RALGAPA2: variants seen among roughly 807,000 people sequenced by gnomAD.
The protein encoded by RALGAPA2 is Ral GTPase activating protein catalytic subunit alpha 2.
RALGAPA2 carries 139 observed loss-of-function variants against 230.4 expected under a neutral mutation model. The observed-to-expected ratio is 0.60, with a 90% CI of 0.53 to 0.69. RALGAPA2 has a LOEUF of 0.69. RALGAPA2 is among the 30% of genes least tolerant of loss of function. The pLI is 0.00. For missense variants in RALGAPA2, 2,163 were observed against 2,276.0 expected (o/e 0.95, Z 1.01); for synonymous variants, 847 against 837.8 (o/e 1.01, Z -0.19).
At position 20,524,433 on chromosome 20, in the gene RALGAPA2, T is replaced by C. The variant is rs1174708575; in HGVS notation, c.3873A>G (p.Arg1291=). ...TGTAGATATAATCCAGCAAGGGGGCTCTGGCCGAATGCTGCTCCTCTAGGA... is the reference window on the plus strand; with the variant it reads ...TGTAGATATAATCCAGCAAGGGGGCCCTGGCCGAATGCTGCTCCTCTAGGA... ...TAVLEEQHSA[R]APLLDYIYRV... Residue 1291 remains arginine (R), a synonymous_variant, in exon 30 of 40, where the codon AGA becomes AGG. Coordinates refer to ENST00000202677, the MANE Select transcript of RALGAPA2 (RefSeq NM_020343.4). 6 of 1,613,866 alleles carry C rather than the reference T, an allele frequency of 3.7e-6. No individual in the cohort carries two copies. The highest frequency in any genetic ancestry group is 4.2e-6 in the Non-Finnish European group (5 of 1,179,830).
chr20:20,401,538 C>T (rs1011118046), intron 38 of RALGAPA2, among the ~76,000 whole-genome samples: 10 of 151,982 alleles, frequency 6.6e-5, no homozygotes, highest in Non-Finnish European at 1.5e-4. Context: ...CAGGAGTGAC[C>T]GGGGCAGTGA....
chr20:20,652,990 G>A (rs12625761), intron 4 of RALGAPA2, among the ~76,000 whole-genome samples: 1 of 151,596 alleles, frequency 6.6e-6, no homozygotes, highest in Non-Finnish European at 1.5e-5. Context: ...CCAGGAGTTC[G>A]AGACAGCCTG....
intron 37 of RALGAPA2, among the ~76,000 whole-genome samples, chr20:20,429,910 A>G (rs781188012): frequency 3.3e-5 from 5 of 152,250 alleles, no homozygotes; most frequent in Non-Finnish European, 7.3e-5. Context: ...AACCCTGAAG[A>G]GGGTAGAAGC....
chr20:20,462,813 G>C (rs1370666689), intron 37 of RALGAPA2, among the ~76,000 whole-genome samples: 2 of 152,152 alleles, frequency 1.3e-5, no homozygotes, highest in Admixed American at 1.3e-4. Context: ...TCCTTCTTTG[G>C]CTTTGCAGCG....
intron 37 of RALGAPA2, among the ~76,000 whole-genome samples, chr20:20,419,938 A>C (rs760027215): frequency 2.0e-5 from 3 of 152,240 alleles, no homozygotes; most frequent in Non-Finnish European, 4.4e-5. Flanking sequence ...GCAATCCTGC[A>C]TTCTAGCAGG....
chr20:20,468,349 A>G (rs2061465440), intron 37 of RALGAPA2, among the ~76,000 whole-genome samples: 1 of 152,168 alleles, frequency 6.6e-6, no homozygotes, highest in South Asian at 2.1e-4. Context: ...ATCTGGGGGT[A>G]TAACTCCATT....
At chr20:20,695,009 G>A (rs139962338) in intron 1 of RALGAPA2, among the ~76,000 whole-genome samples, 237 of 152,254 alleles carry the variant, frequency 1.6e-3, no homozygotes, top group African/African-American at 5.3e-3. Context: ...CAGGGCGTTC[G>A]AGAAAGGGAT....
At chr20:20,645,714 T>C (rs1226881204) in intron 4 of RALGAPA2, among the ~76,000 whole-genome samples, 1 of 152,232 alleles carries the variant, frequency 6.6e-6, no homozygotes, top group African/African-American at 2.4e-5. Context: ...GCTAGACTGC[T>C]AGGGTTCAAA....
At chr20:20,570,790 T>C (rs2064603620) in intron 23 of RALGAPA2, among the ~76,000 whole-genome samples, 1 of 152,174 alleles carries the variant, frequency 6.6e-6, no homozygotes, top group Admixed American at 6.5e-5. Flanking sequence ...CTTGCCTGCT[T>C]GATATCCCAA....
At chr20:20,591,707 C>T (rs1219140562) in intron 16 of RALGAPA2, among the ~76,000 whole-genome samples, 1 of 151,956 alleles carries the variant, frequency 6.6e-6, no homozygotes, top group Non-Finnish European at 1.5e-5. Context: ...CACACACACA[C>T]ATACACCCTG....
intron 4 of RALGAPA2, among the ~76,000 whole-genome samples, chr20:20,652,771 T>C (rs1412714482): frequency 6.6e-6 from 1 of 152,194 alleles, no homozygotes; most frequent in Non-Finnish European, 1.5e-5. Flanking sequence ...GATGAGATGT[T>C]AGAGGTTAAA....
intron 9 of RALGAPA2, among the ~76,000 whole-genome samples, chr20:20,633,426 C>T (rs1380144430): frequency 7.9e-5 from 12 of 152,012 alleles, no homozygotes; most frequent in African/African-American, 2.7e-4. Context: ...AGAGCCACTG[C>T]GCCCAGCCTA....
intron 36 of RALGAPA2, among the ~76,000 whole-genome samples, chr20:20,494,109 C>A (rs2062138707): frequency 6.6e-6 from 1 of 152,210 alleles, no homozygotes; most frequent in Admixed American, 6.5e-5. Context: ...AGCTTTTACT[C>A]TGGACCAGGC....
At chr20:20,693,595 A>T (rs1415711394) in intron 1 of RALGAPA2, among the ~76,000 whole-genome samples, 1 of 152,204 alleles carries the variant, frequency 6.6e-6, no homozygotes. Flanking sequence ...AGTGATGAGG[A>T]GAGTGTTTAC....
At chr20:20,632,107 C>T (rs2066694773) in intron 9 of RALGAPA2, among the ~76,000 whole-genome samples, 1 of 151,908 alleles carries the variant, frequency 6.6e-6, no homozygotes, top group Admixed American at 6.5e-5. Context: ...TCACTGCAAG[C>T]TCCGCCTCCT....
intron 3 of RALGAPA2, among the ~76,000 whole-genome samples, chr20:20,662,928 T>C (rs2067829975): frequency 6.6e-6 from 1 of 151,998 alleles, no homozygotes; most frequent in Admixed American, 6.5e-5. Flanking sequence ...CAGCAAAAAA[T>C]AAAAAGCCTT....
chr20:20,657,602 G>A (rs928206451), intron 3 of RALGAPA2, among the ~76,000 whole-genome samples: 10 of 152,146 alleles, frequency 6.6e-5, no homozygotes, highest in Admixed American at 1.3e-4. Context: ...GCTACCTCAC[G>A]TTGATGGAAA....
At chr20:20,443,799 T>A (rs1388842448) in intron 37 of RALGAPA2, among the ~76,000 whole-genome samples, 1 of 152,258 alleles carries the variant, frequency 6.6e-6, no homozygotes, top group African/African-American at 2.4e-5. Context: ...CAACAAAAGC[T>A]AAGTCCTGGA....
chr20:20,547,773 C>A lies in RALGAPA2; in HGVS notation c.3157-941G>T, dbSNP rs373966165. 8.5e-5 allele frequency among the ~76,000 whole-genome samples: 13 copies of A among 152,276 alleles called. No homozygotes were observed. The East Asian group carries it at 2.5e-3, about 29-fold the overall frequency. The stretch of plus-strand genomic sequence containing the variant: ...GTCGTGTCGCTTTATGATGAGGATA[C>A]ATTCTAAGAAATGTGCTGTTAGGCA... On this transcript the variant is annotated intron_variant, in intron 23 of 39. Transcript: ENST00000202677.
Sources: gnomAD v4.1 joint callset for allele counts (sites outside exome capture counted in the v4.1 genomes callset) on GRCh38, gnomAD v4.1.1 for gene constraint, MANE v1.5 for transcripts, NCBI Gene and HGNC (gene_info 2026-07-23, HGNC 2026-07-21) for gene names.